Variants in MTX3 observed in about 807,000 individuals in gnomAD.
MTX3 encodes metaxin 3, also known as metaxin-3.
Under a neutral mutation model 42.5 loss-of-function variants are expected in MTX3, and 27 were observed. That is an observed-to-expected ratio of 0.64 (90% CI 0.47 to 0.88). MTX3 has a LOEUF of 0.88. Among genes scored for constraint, MTX3 ranks in the 40% least tolerant of loss-of-function variants. MTX3 has a pLI of 0.00. For missense variants in MTX3, 378 were observed against 367.0 expected, an observed-to-expected ratio of 1.03 and a Z score of -0.25; for synonymous variants, 144 against 132.9, an observed-to-expected ratio of 1.08 and a Z score of -0.57.
At chr5:79,990,470 A>AT (rs1229141970) in intron 2 of MTX3, 124 bp downstream of exon 2, 2 of 730,596 alleles carry the variant, frequency 2.7e-6, no homozygotes, top group Non-Finnish European at 4.5e-6. Context: ...AACCATAAAC[A>AT]ACACAGAGCC....
chr5:79,990,853 G>C (rs771381026), intron 1 of MTX3, 190 bp from the exon 2 acceptor site: 1 of 714,432 alleles, frequency 1.4e-6, no homozygotes, highest in South Asian at 1.5e-5. Flanking sequence ...CTCCCCAAAA[G>C]GTCCTGGGGA....
chr5:79,989,116 G>T, intron 4 of MTX3, 36 bp downstream of exon 4: 1 of 1,396,250 alleles, frequency 7.2e-7, no homozygotes, highest in Admixed American at 2.2e-5. Flanking sequence ...TTTGCAACTA[G>T]GCTACTAAAA....
At chr5:79,987,763 T>G (rs1831531659) in intron 6 of MTX3, among the ~76,000 whole-genome samples, 1 of 152,156 alleles carries the variant, frequency 6.6e-6, no homozygotes, top group African/African-American at 2.4e-5. Flanking sequence ...AATGTTAGAT[T>G]ATCACTGGTA....
rs780122944 is a variant in MTX3, at chr5:79,983,700, T to C, written c.923A>G (p.Gln308Arg). 4 of 1,613,346 alleles carry C rather than the reference T, an allele frequency of 2.5e-6. No homozygotes were observed. The highest frequency in any genetic ancestry group is 3.4e-6 in the Non-Finnish European group (4 of 1,179,396). ...TPAEEENNSF[Q>R]RLSP ...TGACTACTCTCAGGGCGAAAGCCGT[T>C]GGAAGGAATTATTTTCTTCTTCTGC... Residue 308 changes from glutamine (Q) to arginine (R), a missense_variant, in exon 9 of 9, where the codon CAA becomes CGA. Physicochemically the swap from Gln to Arg is conservative, Grantham distance 43. Transcript: ENST00000512528.
chr5:79,990,330 A>T, intron 2 of MTX3, 94 bp from the exon 3 acceptor site: 1 of 861,092 alleles, frequency 1.2e-6, no homozygotes, highest in Non-Finnish European at 1.8e-6. Context: ...GCACATTTAG[A>T]GGGGAAAAAA....
At chr5:79,990,927 G>A in intron 1 of MTX3, 1 of 710,670 alleles carries the variant, frequency 1.4e-6, no homozygotes, top group Non-Finnish European at 2.6e-6. Flanking sequence ...ACAGCTTTGT[G>A]AGGCGGACAA....
At chr5:79,983,931 A>G in intron 8 of MTX3, 137 bp from the exon 9 acceptor site, 1 of 568,378 alleles carries the variant, frequency 1.8e-6, no homozygotes, top group Non-Finnish European at 3.1e-6. Context: ...CCTTTTTCTT[A>G]CAAATAATCT....
At position 79,978,889 on chromosome 5, in the gene MTX3, G is replaced by T. The variant is rs1831313359; in HGVS notation, c.*4795C>A. The T allele has an allele frequency of 1.3e-5, 2 of 152,528 alleles. No homozygotes were observed. The highest frequency in any genetic ancestry group is 4.1e-4 in the South Asian group (2 of 4,824). 9.4% of individuals were successfully genotyped at this position (152,528 alleles called of 1,614,324 possible). On this transcript the variant is annotated 3_prime_UTR_variant, in exon 9 of 9. Coordinates refer to ENST00000512528, the MANE Select transcript of MTX3 (RefSeq NM_001363818.2). ...CAAATGATTAATAAGGATACAAAGA[G>T]ACTTATTTTCCTGTCTTTTGTTATT...
rs1329424230 is a variant in MTX3, at chr5:79,983,667, A to C, written c.*17T>G. On this transcript the variant is annotated 3_prime_UTR_variant, in exon 9 of 9. Coordinates refer to ENST00000512528, the MANE Select transcript of MTX3 (RefSeq NM_001363818.2). ...CTGCAACAATCGTTTGACTTTGGCC[A>C]CAAACCATGACTACTCTCAGGGCGA... 1.3e-6 allele frequency: 2 copies of C among 1,580,668 alleles called. No homozygotes were observed. The highest frequency in any genetic ancestry group is 1.7e-6 in the Non-Finnish European group (2 of 1,149,490).
chr5:79,988,790 G>T, intron 4 of MTX3, 146 bp from the exon 5 acceptor site: 2 of 771,892 alleles, frequency 2.6e-6, no homozygotes, highest in Non-Finnish European at 4.0e-6. Context: ...GATAAAACAA[G>T]ATTATTTTAA....
rs1336288207 is a variant in MTX3 at position 79,980,491 on chromosome 5, C to A, written c.*3193G>T. ...TTGAAATTTGGTTTGTTAATGCCCA[C>A]CTTGTGTGGTCAAAACACAGTTTTG... On this transcript the variant is annotated 3_prime_UTR_variant, in exon 9 of 9. Coordinates refer to ENST00000512528, the MANE Select transcript of MTX3 (RefSeq NM_001363818.2). The A allele has an allele frequency of 6.6e-6, 1 of 151,950 alleles. No homozygotes were observed. The allele number at this position is 151,950 out of a possible 1,614,324, so 9.4% of individuals were successfully genotyped here.
At position 79,989,179 on chromosome 5, in the gene MTX3, G is replaced by A. The variant is rs1561283734; in HGVS notation, c.294C>T (p.Leu98=). ...CTGCAGGGAGAAGCTTCTCTTCGAG[G>A]AGAGCAATATAAGCCAATGTATCTG... The part of the protein sequence containing the change: ...QGADTLAYIA[L]LEEKLLPAVL... The change falls in exon 4 of 9, where the codon CTC becomes CTT. Residue 98 remains leucine (L), a synonymous_variant. Transcript: ENST00000512528. 6.2e-7 allele frequency: 1 copy of A among 1,607,990 alleles called. No homozygotes were observed. The highest frequency in any genetic ancestry group is 2.2e-5 in the East Asian group (1 of 44,770).
In MTX3 at chr5:79,983,609, T is replaced by C; in HGVS notation, c.*75A>G. ...CCTTAATACCTATTATGGTATCTTCTTTTTGCCTTCACACACTTGGTGTAA... is the reference window on the plus strand; with the variant it reads ...CCTTAATACCTATTATGGTATCTTCCTTTTGCCTTCACACACTTGGTGTAA... On this transcript the variant is annotated 3_prime_UTR_variant, in exon 9 of 9. Coordinates refer to ENST00000512528, the MANE Select transcript of MTX3 (RefSeq NM_001363818.2). The C allele has an allele frequency of 9.4e-7, 1 of 1,065,566 alleles. No homozygotes were observed. Among genetic ancestry groups the C allele is most frequent in the South Asian group, 1.3e-5 (1 of 79,412 alleles). 66.0% of individuals were successfully genotyped at this position (1,065,566 alleles called of 1,614,324 possible). A position where few individuals can be genotyped will look rare whatever the true frequency, so the allele number is the denominator to read the frequency against.
rs1331266398 is a variant in MTX3, at chr5:79,983,874, A to T, written c.829-80T>A. 3 of 846,890 alleles carry T rather than the reference A, an allele frequency of 3.5e-6. No homozygotes were observed. The African/African-American group carries it at 5.1e-5, about 14-fold the overall frequency. 52.5% of individuals were successfully genotyped at this position (846,890 alleles called of 1,614,324 possible). The stretch of plus-strand genomic sequence containing the variant: ...ACTGTGGCCTCCCCATCCAAACTAT[A>T]GCCTAGAAGAGTACAGAACCATATG... On this transcript the variant is annotated intron_variant, in intron 8 of 8. Coordinates refer to ENST00000512528, the MANE Select transcript of MTX3 (RefSeq NM_001363818.2).
intron 7 of MTX3, among the ~76,000 whole-genome samples, chr5:79,986,463 C>A (rs563221564): frequency 6.6e-6 from 1 of 152,338 alleles, no homozygotes; most frequent in African/African-American, 2.4e-5. Flanking sequence ...CCTCTATTTA[C>A]TATACTTCCA....
rs1012106048 is a variant in MTX3 at position 79,977,976 on chromosome 5, C to T, written c.*5708G>A. On this transcript the variant is annotated 3_prime_UTR_variant, in exon 9 of 9. Transcript: ENST00000512528. ...CATGGATGCTTAGGAACTGGGTAGTCTGCTGAAACCACCAGTTCAGCAGAC... is the reference window on the plus strand; with the variant it reads ...CATGGATGCTTAGGAACTGGGTAGTTTGCTGAAACCACCAGTTCAGCAGAC... 6 of 152,178 alleles carry T rather than the reference C, an allele frequency of 3.9e-5. No homozygotes were observed. The highest frequency in any genetic ancestry group is 3.9e-4 in the Admixed American group (6 of 15,282). 9.4% of individuals were successfully genotyped at this position (152,178 alleles called of 1,614,324 possible).
Position 79,990,753 on chromosome 5 carries a change from G to A in MTX3, c.82-90C>T, listed in dbSNP as rs956088112. The stretch of plus-strand genomic sequence containing the variant: ...TTACTTCACAGCCCCATCCCCCAAA[G>A]GCAGAAGGCGACTGATACTGAGGCC... On this transcript the variant is annotated intron_variant, in intron 1 of 8. Coordinates refer to ENST00000512528, the MANE Select transcript of MTX3 (RefSeq NM_001363818.2). 33 of 936,700 alleles carry A rather than the reference G, an allele frequency of 3.5e-5. 1 individual carries two copies. Among genetic ancestry groups the A allele is most frequent in the South Asian group, 2.3e-4 (17 of 72,500 alleles). 58.0% of individuals were successfully genotyped at this position (936,700 alleles called of 1,614,324 possible).
Position 79,985,662 on chromosome 5 carries a change from A to C in MTX3, c.740-3T>G. 6.2e-7 allele frequency: 1 copy of C among 1,604,990 alleles called. No homozygotes were observed. The highest frequency in any genetic ancestry group is 8.5e-7 in the Non-Finnish European group (1 of 1,172,764). On this transcript the variant is annotated splice_region_variant and splice_polypyrimidine_tract_variant and intron_variant, in intron 7 of 8. Coordinates refer to ENST00000512528, the MANE Select transcript of MTX3 (RefSeq NM_001363818.2). ...TTCTTGTCCAGCTGGAGAGATGCCTAAGAAGCCAGGACAGAAATCAGAGAA... is the reference window on the plus strand; with the variant it reads ...TTCTTGTCCAGCTGGAGAGATGCCTCAGAAGCCAGGACAGAAATCAGAGAA...
intron 5 of MTX3, 37 bp from the exon 6 acceptor site, chr5:79,988,352 G>C: frequency 6.7e-7 from 1 of 1,502,042 alleles, no homozygotes. Context: ...AAGTAGAAAA[G>C]ATACTCTAAA....
Sources: gnomAD v4.1 joint callset for allele counts (sites outside exome capture counted in the v4.1 genomes callset) on GRCh38, gnomAD v4.1.1 for gene constraint, MANE v1.5 for transcripts, NCBI Gene and HGNC (gene_info 2026-07-23, HGNC 2026-07-21) for gene names.